The following RHD variants were observed in gnomAD, a reference collection of about 807,000 sequenced individuals.
RHD encodes blood group Rh(D) polypeptide.
In RHD, 16 loss-of-function variants were observed where a neutral mutation model predicts 45.5. The observed-to-expected ratio is 0.35, with a 90% CI of 0.24 to 0.53. RHD has a LOEUF of 0.53. Among genes scored for constraint, RHD ranks in the 20% least tolerant of loss-of-function variants. The pLI, the probability that RHD is intolerant of heterozygous loss-of-function variation, is 0.92. For missense variants in RHD, 306 were observed against 532.0 expected (o/e 0.58, Z 4.18); for synonymous variants, 131 against 217.5 (o/e 0.60, Z 3.50).
rs1644911614 is a variant in RHD at position 25,328,832 on chromosome 1, AAG to A, written c.1228-62_1228-61del. The A allele has an allele frequency of 6.2e-6, 5 of 804,900 alleles. No individual in the cohort carries two copies. In the East Asian group the frequency reaches 1.2e-4, roughly 20 times the overall value. The allele number at this position is 804,900 out of a possible 1,614,324, so 49.9% of individuals were successfully genotyped here. On this transcript the variant is annotated intron_variant, in intron 9 of 9. Coordinates refer to ENST00000328664, the MANE Select transcript of RHD (RefSeq NM_016124.6). Reference sequence around the variant, plus strand: ...TGTAATGAGACATTTAGGCTGTTTCAAGAGATCAAGCCAAAATCAGTATGTGG... The same window carrying A: ...TGTAATGAGACATTTAGGCTGTTTCAAGATCAAGCCAAAATCAGTATGTGG...
rs537564565 is a variant in RHD, at chr1:25,275,849, G to T, written c.148+3154G>T. 5.3e-5 allele frequency among the ~76,000 whole-genome samples: 7 copies of T among 131,808 alleles called. 2 individuals are homozygous for T. The highest frequency in any genetic ancestry group is 1.3e-4 in the Non-Finnish European group (7 of 55,762). The allele number at this position is 131,808 out of a possible 152,430, so 86.5% of individuals were successfully genotyped here. Reference sequence around the variant, plus strand: ...ATTAGATCAACATGTTTTAAATCTCGAATGTGACTGACAGCTTGTACGAGG... The same window carrying T: ...ATTAGATCAACATGTTTTAAATCTCTAATGTGACTGACAGCTTGTACGAGG... On this transcript the variant is annotated intron_variant, in intron 1 of 9. Coordinates refer to ENST00000328664, the MANE Select transcript of RHD (RefSeq NM_016124.6).
chr1:25,277,614 G>C (rs570564436), intron 1 of RHD, among the ~76,000 whole-genome samples: 1 of 129,424 alleles, frequency 7.7e-6, no homozygotes, highest in Admixed American at 7.5e-5. Context: ...GATAGTACTT[G>C]TTTCATTAAG....
chr1:25,295,849 AATTTTTTTTT>A (rs1292267320), intron 3 of RHD, among the ~76,000 whole-genome samples: 1 of 33,728 alleles, frequency 3.0e-5, no homozygotes, highest in Non-Finnish European at 1.1e-4. Context: ...GAATATGGGA[AATTTTTTTTT>A]TTTTTTTTTT....
intron 1 of RHD, among the ~76,000 whole-genome samples, chr1:25,283,310 C>G (rs1641662773): frequency 7.6e-6 from 1 of 131,080 alleles, no homozygotes; most frequent in Non-Finnish European, 1.8e-5. Flanking sequence ...GTGGGCAGAT[C>G]ACTTGAGGTC....
chr1:25,313,704 T>G (rs1644284565), intron 7 of RHD, among the ~76,000 whole-genome samples: 1 of 131,846 alleles, frequency 7.6e-6, no homozygotes, highest in African/African-American at 2.6e-5. Context: ...GACTATGCCT[T>G]TATGAAAAAG....
chr1:25,286,512 C>T (rs1642007969), intron 2 of RHD, among the ~76,000 whole-genome samples: 2 of 134,960 alleles, frequency 1.5e-5, no homozygotes, highest in East Asian at 1.9e-4. Context: ...AGGGGCCGGG[C>T]GCAGTGGTTC....
chr1:25,285,521 A>G (rs1279762390), intron 2 of RHD, among the ~76,000 whole-genome samples: 1 of 135,014 alleles, frequency 7.4e-6, no homozygotes, highest in African/African-American at 2.6e-5. Context: ...TCATTAAATT[A>G]CCTGTGCTTT....
intron 8 of RHD, among the ~76,000 whole-genome samples, chr1:25,321,431 T>G (rs1454499388): frequency 9.2e-6 from 1 of 108,624 alleles, no homozygotes; most frequent in African/African-American, 3.1e-5. Context: ...AAGGCTGAGG[T>G]GGGTGGATCA....
rs112590107 is a variant in RHD, at chr1:25,289,203, T to C, written c.336-1438T>C. On this transcript the variant is annotated intron_variant, in intron 2 of 9. Transcript: ENST00000328664. ...CGATTTTACAGAGAGTGAATTTTTT[T>C]TGTGTGTGTGTGAGGCAGTCTTACT... is the stretch of plus-strand genomic sequence containing the variant. 5.3e-5 allele frequency among the ~76,000 whole-genome samples: 7 copies of C among 132,092 alleles called. 2 individuals carry two copies. Among genetic ancestry groups the C allele is most frequent in the South Asian group, 2.3e-4 (1 of 4,300 alleles). The allele number at this position is 132,092 out of a possible 152,430, so 86.7% of individuals were successfully genotyped here. A position where few individuals can be genotyped will look rare whatever the true frequency, so the allele number is the denominator to read the frequency against.
At chr1:25,292,732 G>T (rs2124648361) in intron 3 of RHD, among the ~76,000 whole-genome samples, 1 of 126,436 alleles carries the variant, frequency 7.9e-6, no homozygotes, top group Admixed American at 7.8e-5. Context: ...TTAGTGGAAA[G>T]GTTAGGGCTA....
intron 7 of RHD, among the ~76,000 whole-genome samples, chr1:25,311,828 C>A (rs1644165564): frequency 7.6e-6 from 1 of 131,254 alleles, no homozygotes; most frequent in Non-Finnish European, 1.8e-5. Context: ...GCAGCATACA[C>A]ATGGCACTAA....
intron 2 of RHD, among the ~76,000 whole-genome samples, chr1:25,286,906 A>T (rs934903932): frequency 7.4e-6 from 1 of 134,472 alleles, no homozygotes; most frequent in African/African-American, 2.6e-5. Flanking sequence ...CAACCTGAGC[A>T]ACATGGTGAA....
chr1:25,301,397 C>T, intron 4 of RHD, 123 bp from the exon 5 acceptor site: 1 of 946,576 alleles, frequency 1.1e-6, no homozygotes, highest in African/African-American at 1.6e-5. Context: ...GTGACTTCCC[C>T]ATCTAACTCT....
At chr1:25,285,385 C>T (rs561464673) in intron 2 of RHD, among the ~76,000 whole-genome samples, 4 of 134,830 alleles carry the variant, frequency 3.0e-5, no homozygotes, top group South Asian at 2.2e-4. Context: ...CCGCCCGCCT[C>T]GGCCTCCCAA....
Position 25,306,962 on chromosome 1 carries a change from C to G in RHD, c.1073+233C>G, listed in dbSNP as rs1364342465. ...CAAATAGGGCCACCTAGGTATAGACCAAAGACACGAAATCTTTTGTGATCC... is the reference window on the plus strand; with the variant it reads ...CAAATAGGGCCACCTAGGTATAGACGAAAGACACGAAATCTTTTGTGATCC... On this transcript the variant is annotated intron_variant, in intron 7 of 9. Transcript: ENST00000328664. The G allele has an allele frequency of 4.2e-6, 2 of 476,248 alleles. 1 individual carries two copies. The highest frequency in any genetic ancestry group is 4.0e-5 in the African/African-American group (2 of 50,048). The allele number at this position is 476,248 out of a possible 1,614,324, so 29.5% of individuals were successfully genotyped here. A position where few individuals can be genotyped will look rare whatever the true frequency, so the allele number is the denominator to read the frequency against.
rs1160800848 is a variant in RHD, at chr1:25,306,662, G to A, written c.1006G>A (p.Gly336Ser). Residue 336 changes from glycine (G) to serine (S), a missense_variant, in exon 7 of 10, where the codon GGT (glycine) becomes AGT (serine). Physicochemically the swap from Gly to Ser is moderately conservative, Grantham distance 56. Transcript: ENST00000328664. ...CATGGGCTACAACTTCAGCTTGCTG[G>A]GTCTGCTTGGAGAGATCATCTACAT... The part of the protein sequence containing the change: ...SIMGYNFSLL[G>S]LLGEIIYIVL... 2.9e-6 allele frequency: 4 copies of A among 1,378,392 alleles called. 1 individual carries two copies. Among genetic ancestry groups the A allele is most frequent in the Non-Finnish European group, 4.1e-6 (4 of 979,046 alleles). 85.4% of individuals were successfully genotyped at this position (1,378,392 alleles called of 1,614,324 possible). A position where few individuals can be genotyped will look rare whatever the true frequency, so the allele number is the denominator to read the frequency against.
chr1:25,289,761 G>C (rs1251729332), intron 2 of RHD, among the ~76,000 whole-genome samples: 5 of 126,952 alleles, frequency 3.9e-5, no homozygotes, highest in African/African-American at 1.4e-4. Context: ...CACTAGCCTT[G>C]TGATATCACA....
rs1202355650 is a variant in RHD, at chr1:25,322,054, A to C, written c.1227+92A>C. 27 of 665,320 alleles carry C rather than the reference A, an allele frequency of 4.1e-5. 4 individuals carry two copies. Among genetic ancestry groups the C allele is most frequent in the Middle Eastern group, 2.6e-4 (1 of 3,818 alleles). 41.2% of individuals were successfully genotyped at this position (665,320 alleles called of 1,614,324 possible). A position where few individuals can be genotyped will look rare whatever the true frequency, so the allele number is the denominator to read the frequency against. On this transcript the variant is annotated intron_variant, in intron 9 of 9. Coordinates refer to ENST00000328664, the MANE Select transcript of RHD (RefSeq NM_016124.6). ...ATATGTTGACTTGCTGTTTATGAGT[A>C]AAACAAAAACAAAAATGGAGTAAGG... is the stretch of plus-strand genomic sequence containing the variant.
intron 7 of RHD, among the ~76,000 whole-genome samples, chr1:25,309,840 C>T (rs1291022326): frequency 3.0e-5 from 4 of 132,852 alleles, no homozygotes; most frequent in South Asian, 2.3e-4. Flanking sequence ...CCAGGGGAGA[C>T]CCTGTGCAGG....
Sources: allele counts gnomAD v4.1 joint callset (sites outside exome capture counted in the v4.1 genomes callset), GRCh38; gene constraint gnomAD v4.1.1; transcripts MANE v1.5; gene names NCBI Gene and HGNC (gene_info 2026-07-23, HGNC 2026-07-21).